TAF1A: variants seen among roughly 807,000 people sequenced by gnomAD.
The protein encoded by TAF1A is TATA box-binding protein-associated factor RNA polymerase I subunit A.
A neutral mutation model predicts 61.6 loss-of-function variants in TAF1A; 42 were observed. The ratio of observed to expected loss-of-function variants is 0.68; its 90% confidence interval spans 0.53 to 0.88. TAF1A has a LOEUF of 0.88. Ranked by LOEUF, TAF1A falls within the 40% of genes least tolerant of loss-of-function variation. TAF1A has a pLI of 0.00. For synonymous variants in TAF1A, 179 were observed against 177.7 expected (o/e 1.01, Z -0.06); for missense variants, 424 against 518.7 (o/e 0.82, Z 1.77).
Position 222,569,488 on chromosome 1 carries a change from CAT to C in TAF1A, c.894+20_894+21del. Reference sequence around the variant, plus strand: ...ATGTAGATTCCCAACCCTGGTCAAACATCGAGATAAAAATTCTATACCTTAAG... The same window carrying C: ...ATGTAGATTCCCAACCCTGGTCAAACCGAGATAAAAATTCTATACCTTAAG... On this transcript the variant is annotated intron_variant, in intron 7 of 10. Transcript: ENST00000352967. 6.2e-7 allele frequency: 1 copy of C among 1,613,350 alleles called. No homozygotes were observed.
chr1:222,569,277 G>C, intron 7 of TAF1A: 1 of 1,433,856 alleles, frequency 7.0e-7, no homozygotes, highest in Non-Finnish European at 9.1e-7. Flanking sequence ...TTCCAACCAG[G>C]GTTGCACAAG....
At chr1:222,570,179 C>T (rs1660291962) in intron 6 of TAF1A, among the ~76,000 whole-genome samples, 1 of 152,122 alleles carries the variant, frequency 6.6e-6, no homozygotes, top group South Asian at 2.1e-4. Context: ...TTCCAAAAAG[C>T]CATCATTCTT....
downstream of TAF1A, among the ~76,000 whole-genome samples, chr1:222,557,067 T>C (rs1659737496): frequency 6.6e-6 from 1 of 151,294 alleles, no homozygotes; most frequent in African/African-American, 2.4e-5. Context: ...ATATAAACTA[T>C]TGACAAAGCA....
intron 2 of TAF1A, among the ~76,000 whole-genome samples, chr1:222,586,577 G>A (rs1468654432): frequency 2.0e-5 from 3 of 152,146 alleles, no homozygotes; most frequent in Non-Finnish European, 2.9e-5. Context: ...GAATAGAGAT[G>A]TACAATAAAG....
chr1:222,572,852 G>A (rs183270417), intron 5 of TAF1A, among the ~76,000 whole-genome samples: 14 of 152,284 alleles, frequency 9.2e-5, no homozygotes, highest in East Asian at 3.9e-4. Context: ...AAATCTTTGC[G>A]ACCTTGCAGT....
intron 5 of TAF1A, 107 bp downstream of exon 5, chr1:222,577,338 C>G: frequency 1.2e-6 from 1 of 840,210 alleles, no homozygotes; most frequent in Non-Finnish European, 1.9e-6. Context: ...AAAGTCTGTT[C>G]TCCATAATAT....
At chr1:222,589,301 TC>T (rs1315724682) in intron 1 of TAF1A, among the ~76,000 whole-genome samples, 7 of 152,302 alleles carry the variant, frequency 4.6e-5, no homozygotes, top group African/African-American at 1.7e-4. Flanking sequence ...TTTCCCCTCT[TC>T]AATCCTACAG....
downstream of TAF1A, among the ~76,000 whole-genome samples, chr1:222,555,046 T>C (rs1450494107): frequency 2.0e-5 from 3 of 152,196 alleles, no homozygotes; most frequent in Non-Finnish European, 4.4e-5. Flanking sequence ...TATGAATAAG[T>C]GCTCAACATC....
intron 7 of TAF1A, among the ~76,000 whole-genome samples, chr1:222,564,507 AC>A (rs1259049800): frequency 6.6e-6 from 1 of 152,134 alleles, no homozygotes; most frequent in Non-Finnish European, 1.5e-5. Flanking sequence ...CAGAAAATAT[AC>A]TTATTTACTA....
chr1:222,581,696 A>G (rs1660795864), intron 3 of TAF1A, among the ~76,000 whole-genome samples: 1 of 152,226 alleles, frequency 6.6e-6, no homozygotes, highest in African/African-American at 2.4e-5. Flanking sequence ...GTAGGCCTCA[A>G]TGAAAAGGGG....
Position 222,578,851 on chromosome 1 carries a change from CA to C in TAF1A, c.405+907del, listed in dbSNP as rs565652809. Among the ~76,000 whole-genome samples, 166 of 151,970 alleles carry C rather than the reference CA, an allele frequency of 1.1e-3. 1 individual carries two copies. The highest frequency in any genetic ancestry group is 3.8e-3 in the African/African-American group (157 of 41,418). On this transcript the variant is annotated intron_variant, in intron 4 of 10. Coordinates refer to ENST00000352967, the MANE Select transcript of TAF1A (RefSeq NM_005681.4). Reference sequence around the variant, plus strand: ...TAAGTGTTTTTAAAATTATTAACAACAAAAAAAATTGTATTATCTATCCTAA... The same window carrying C: ...TAAGTGTTTTTAAAATTATTAACAACAAAAAAATTGTATTATCTATCCTAA...
intron 7 of TAF1A, 133 bp downstream of exon 7, chr1:222,569,377 C>T: frequency 6.4e-7 from 1 of 1,570,114 alleles, no homozygotes; most frequent in Non-Finnish European, 8.6e-7. Context: ...AGCCAACTTT[C>T]TCTGTTTATC....
At chr1:222,580,170 A>G (rs1373989970) in intron 3 of TAF1A, among the ~76,000 whole-genome samples, 1 of 152,212 alleles carries the variant, frequency 6.6e-6, no homozygotes, top group African/African-American at 2.4e-5. Context: ...AAAATGTTTA[A>G]TTGGTATGGA....
At chr1:222,589,106 T>G (rs1661145845) in intron 1 of TAF1A, among the ~76,000 whole-genome samples, 1 of 152,052 alleles carries the variant, frequency 6.6e-6, no homozygotes, top group Non-Finnish European at 1.5e-5. Context: ...ACCAAACTAC[T>G]TGGCATGACT....
rs1660715712 is a variant in TAF1A, at chr1:222,579,845, G to A, written c.319C>T (p.Leu107=). ...EIIWKLGSEI[L]FYHPKSNMES... Reference sequence around the variant, plus strand: ...ATGTTGCTTTTGGGATGATAAAATAGAATTTCACTTCCGAGCTTCCAAATA... The same window carrying A: ...ATGTTGCTTTTGGGATGATAAAATAAAATTTCACTTCCGAGCTTCCAAATA... The change falls in exon 4 of 11, where the codon CTA becomes TTA. Residue 107 remains leucine (L), a synonymous_variant. Transcript: ENST00000352967. 1 of 1,606,404 alleles carries A rather than the reference G, an allele frequency of 6.2e-7. No individual in the cohort carries two copies. Among genetic ancestry groups the A allele is most frequent in the African/African-American group, 1.3e-5 (1 of 74,512 alleles).
At chr1:222,584,660 G>A (rs947837683) in intron 2 of TAF1A, among the ~76,000 whole-genome samples, 2 of 152,062 alleles carry the variant, frequency 1.3e-5, no homozygotes, top group Admixed American at 1.3e-4. Context: ...GTCATTCTAG[G>A]CAAACATGGT....
intron 5 of TAF1A, among the ~76,000 whole-genome samples, chr1:222,574,064 C>G (rs1412547531): frequency 6.6e-6 from 1 of 151,714 alleles, no homozygotes. Flanking sequence ...CCAGAACAGG[C>G]AAATCTCTAG....
chr1:222,589,265 C>CT (rs1661154281), intron 1 of TAF1A, among the ~76,000 whole-genome samples: 1 of 152,132 alleles, frequency 6.6e-6, no homozygotes, highest in Non-Finnish European at 1.5e-5. Flanking sequence ...ATTAGTGCCC[C>CT]TGATACTACC....
chr1:222,572,339 T>C (rs949965692), intron 5 of TAF1A, among the ~76,000 whole-genome samples: 32 of 152,074 alleles, frequency 2.1e-4, no homozygotes, highest in African/African-American at 7.5e-4. Flanking sequence ...ACCTCTACAT[T>C]TATAGGTAAC....
Sources: allele counts gnomAD v4.1 joint callset (sites outside exome capture counted in the v4.1 genomes callset), GRCh38; gene constraint gnomAD v4.1.1; transcripts MANE v1.5; gene names NCBI Gene and HGNC (gene_info 2026-07-23, HGNC 2026-07-21).